The following B3GALT1 variants were observed in gnomAD, a reference collection of about 807,000 sequenced individuals.
The protein encoded by B3GALT1 is UDP-Gal:betaGlcNAc beta 1,3-galactosyltransferase, polypeptide 1.
In B3GALT1, 10 loss-of-function variants were observed where a neutral mutation model predicts 23.2. The observed-to-expected ratio is 0.43, with a 90% CI of 0.27 to 0.73. B3GALT1 has a LOEUF of 0.73. Ranked by LOEUF, B3GALT1 falls within the 30% of genes least tolerant of loss-of-function variation. The pLI is 0.21. For missense variants in B3GALT1, 299 were observed against 405.4 expected, an observed-to-expected ratio of 0.74 and a Z score of 2.25; for synonymous variants, 156 against 141.5, an observed-to-expected ratio of 1.10 and a Z score of -0.73.
intron 1 of B3GALT1, among the ~76,000 whole-genome samples, chr2:167,419,440 A>G (rs779597319): frequency 1.3e-5 from 2 of 152,192 alleles, no homozygotes; most frequent in African/African-American, 2.4e-5. Context: ...GTCTGGTGCT[A>G]GGCACTATGA....
chr2:167,447,661 C>T (rs752771666), intron 1 of B3GALT1, among the ~76,000 whole-genome samples: 3 of 152,122 alleles, frequency 2.0e-5, no homozygotes, highest in Non-Finnish European at 2.9e-5. Flanking sequence ...CCCTCTGAGC[C>T]AGGCATGGGA....
chr2:167,689,611 G>T (rs775922962), intron 3 of B3GALT1, among the ~76,000 whole-genome samples: 1 of 152,114 alleles, frequency 6.6e-6, no homozygotes, highest in Non-Finnish European at 1.5e-5. Flanking sequence ...CCATTTTAAG[G>T]TTGGAAGCAG....
intron 3 of B3GALT1, among the ~76,000 whole-genome samples, chr2:167,780,934 G>A (rs949267735): frequency 2.0e-5 from 3 of 152,150 alleles, no homozygotes; most frequent in African/African-American, 7.2e-5. Flanking sequence ...AATGTACTAA[G>A]TGCTACTGAA....
At chr2:167,596,802 G>A (rs1273929851) in intron 2 of B3GALT1, among the ~76,000 whole-genome samples, 2 of 152,148 alleles carry the variant, frequency 1.3e-5, no homozygotes, top group African/African-American at 4.8e-5. Context: ...TTTTCTTAGG[G>A]AGCCCTCAAT....
At chr2:167,359,091 C>T (rs1046853474) in intron 1 of B3GALT1, among the ~76,000 whole-genome samples, 11 of 152,206 alleles carry the variant, frequency 7.2e-5, no homozygotes, top group East Asian at 1.9e-4. Context: ...TGAGCCACCG[C>T]GCCTGGCCAA....
At chr2:167,564,486 C>G (rs368360710) in intron 2 of B3GALT1, among the ~76,000 whole-genome samples, 88 of 152,306 alleles carry the variant, frequency 5.8e-4, no homozygotes, top group African/African-American at 2.0e-3. Context: ...GCTGCAATCT[C>G]GGCACCCTGG....
At chr2:167,415,077 G>A (rs1010154239) in intron 1 of B3GALT1, among the ~76,000 whole-genome samples, 9 of 152,172 alleles carry the variant, frequency 5.9e-5, no homozygotes, top group African/African-American at 1.9e-4. Flanking sequence ...ATAAGAAACT[G>A]CATCTCAGAG....
chr2:167,641,243 A>C (rs1162216296), intron 2 of B3GALT1, among the ~76,000 whole-genome samples: 2 of 152,198 alleles, frequency 1.3e-5, no homozygotes, highest in African/African-American at 4.8e-5. Context: ...TAGGCATAGT[A>C]ATGTTTTACA....
chr2:167,333,648 A>T (rs1697011071), intron 1 of B3GALT1, among the ~76,000 whole-genome samples: 2 of 152,176 alleles, frequency 1.3e-5, no homozygotes, highest in Admixed American at 1.3e-4. Flanking sequence ...GAACTGTATA[A>T]GTAACAGGAT....
intron 3 of B3GALT1, among the ~76,000 whole-genome samples, chr2:167,665,119 T>C (rs1159031181): frequency 6.6e-6 from 1 of 151,928 alleles, no homozygotes; most frequent in Non-Finnish European, 1.5e-5. Context: ...TAGCTCTTAT[T>C]ATTTTGAGAT....
intron 3 of B3GALT1, among the ~76,000 whole-genome samples, chr2:167,781,714 G>C (rs1449083381): frequency 6.6e-6 from 1 of 151,940 alleles, no homozygotes; most frequent in Non-Finnish European, 1.5e-5. Flanking sequence ...GGTTGGAGGT[G>C]GGGGGTGTTG....
chr2:167,594,518 TCAA>T (rs1458421580), intron 2 of B3GALT1, among the ~76,000 whole-genome samples: 2 of 152,192 alleles, frequency 1.3e-5, no homozygotes, highest in South Asian at 2.1e-4. Flanking sequence ...ACTTGCCCTG[TCAA>T]CAACATTTTT....
intron 2 of B3GALT1, among the ~76,000 whole-genome samples, chr2:167,544,775 A>G (rs1683597969): frequency 6.6e-6 from 1 of 152,146 alleles, no homozygotes; most frequent in Non-Finnish European, 1.5e-5. Context: ...TCAAACAGCA[A>G]GTCTGATGGT....
intron 2 of B3GALT1, among the ~76,000 whole-genome samples, chr2:167,557,446 C>G (rs1199130949): frequency 6.6e-6 from 1 of 152,128 alleles, no homozygotes; most frequent in Non-Finnish European, 1.5e-5. Flanking sequence ...TATTTAATAT[C>G]TAAAGTGTTT....
chr2:167,584,882 G>C (rs949384884), intron 2 of B3GALT1, among the ~76,000 whole-genome samples: 3 of 152,180 alleles, frequency 2.0e-5, no homozygotes, highest in Non-Finnish European at 2.9e-5. Context: ...AGAAGCTCCA[G>C]GAACCCTGTC....
chr2:167,362,719 G>A (rs576776510), intron 1 of B3GALT1, among the ~76,000 whole-genome samples: 15 of 151,210 alleles, frequency 9.9e-5, no homozygotes, highest in Non-Finnish European at 1.9e-4. Flanking sequence ...TTTTTTGCTC[G>A]TTTCTTAATA....
At chr2:167,344,122 A>C (rs1274379154) in intron 1 of B3GALT1, among the ~76,000 whole-genome samples, 1 of 152,214 alleles carries the variant, frequency 6.6e-6, no homozygotes, top group Non-Finnish European at 1.5e-5. Flanking sequence ...AGTATGATTA[A>C]TAAGTAAATA....
intron 4 of B3GALT1, among the ~76,000 whole-genome samples, chr2:167,834,209 C>T (rs1369907544): frequency 6.6e-6 from 1 of 152,110 alleles, no homozygotes; most frequent in African/African-American, 2.4e-5. Flanking sequence ...AAGGAGCCTC[C>T]ACTTTGTATC....
intron 1 of B3GALT1, among the ~76,000 whole-genome samples, chr2:167,382,372 G>GT (rs1322828791): frequency 6.6e-6 from 1 of 150,470 alleles, no homozygotes; most frequent in African/African-American, 2.5e-5. Flanking sequence ...TTTTTCATTA[G>GT]TTTTTTCTTT....
Sources: allele counts gnomAD v4.1 joint callset (sites outside exome capture counted in the v4.1 genomes callset), GRCh38; gene constraint gnomAD v4.1.1; transcripts MANE v1.5; gene names NCBI Gene and HGNC (gene_info 2026-07-23, HGNC 2026-07-21).